The following MICAL3 variants were observed in gnomAD, a reference collection of about 807,000 sequenced individuals.
MICAL3 encodes microtubule associated monooxygenase, calponin and LIM domain containing 3.
A neutral mutation model predicts 207.4 loss-of-function variants in MICAL3; 62 were observed. The ratio of observed to expected loss-of-function variants is 0.30; its 90% CI spans 0.24 to 0.37. The LOEUF is 0.37. Ranked by LOEUF, MICAL3 falls within the 10% of genes least tolerant of loss-of-function variation. The pLI is 1.00. For missense variants in MICAL3, 2,368 were observed against 2,635.6 expected, an observed-to-expected ratio of 0.90 and a Z score of 2.22; for synonymous variants, 1,077 against 1,069.3, an observed-to-expected ratio of 1.01 and a Z score of -0.14.
In MICAL3 at chr22:17,906,760, C is replaced by T. The variant is rs371166227; in HGVS notation, c.53G>A (p.Arg18Gln). ...CTTGCAGGTGGTGGCCTGGACAAAC[C>T]GGTCAAAGAGGACATGAGCTGGGTT... Reference protein sequence around the residue: ...TMNPAHVLFDRFVQATTCKGT... With the variant: ...TMNPAHVLFDQFVQATTCKGT... Residue 18 changes from arginine (R) to glutamine (Q), a missense_variant, in exon 2 of 32, where the codon CGG (arginine) becomes CAG (glutamine). This residue lies in a region of MICAL3 where 400 missense variants were observed against 547.0 expected (regional missense o/e 0.73). Coordinates refer to ENST00000441493, the MANE Select transcript of MICAL3 (RefSeq NM_015241.3). 196 of 1,613,576 alleles carry T rather than the reference C, an allele frequency of 1.2e-4. 2 individuals are homozygous for T. Among genetic ancestry groups the T allele is most frequent in the South Asian group, 1.0e-3 (93 of 91,040 alleles).
rs550116767 is a variant in MICAL3, at chr22:17,902,197, G to C, written c.590-218C>G. Among the ~76,000 whole-genome samples, 3 of 152,260 alleles carry C rather than the reference G, an allele frequency of 2.0e-5. No homozygotes were observed. On this transcript the variant is annotated intron_variant, in intron 4 of 31. Transcript: ENST00000441493. This position sits in a 1 kb window ranked among gnomAD's most constrained non-coding sequence, Gnocchi z 4.5. ...GCAGACTACTTGAGGCCAGGAGTTC[G>C]AGACCACCCTGGCCAGCATGGTGAA...
chr22:17,872,935 A>C, intron 16 of MICAL3: 1 of 925,918 alleles, frequency 1.1e-6, no homozygotes, highest in Non-Finnish European at 1.7e-6. Context: ...AGACACGGGG[A>C]AAAAAAGAAA....
At chr22:17,817,272 T>G in intron 26 of MICAL3, 39 bp downstream of exon 26, 1 of 1,536,778 alleles carries the variant, frequency 6.5e-7, no homozygotes, top group Non-Finnish European at 8.8e-7. Context: ...CCCGCACCCC[T>G]CCCGCTCTGC....
At chr22:17,830,063 G>A (rs1479360708) in intron 21 of MICAL3, among the ~76,000 whole-genome samples, 2 of 152,152 alleles carry the variant, frequency 1.3e-5, no homozygotes, top group African/African-American at 4.8e-5. Flanking sequence ...GGTAAAGTGG[G>A]TACCTTTAAA....
chr22:17,997,340 A>G (rs1319248681), intron 1 of MICAL3, among the ~76,000 whole-genome samples: 1 of 152,154 alleles, frequency 6.6e-6, no homozygotes, highest in Non-Finnish European at 1.5e-5. Flanking sequence ...TTGGTATTAC[A>G]GGCATGAGCC....
At chr22:17,819,162 G>A (rs771283074) in intron 25 of MICAL3, 33 bp from the exon 26 acceptor site, 13 of 1,432,344 alleles carry the variant, frequency 9.1e-6, no homozygotes, top group African/African-American at 4.3e-5. Context: ...CCGCTGAGAA[G>A]GTGTGGGCTT....
chr22:17,925,190 C>G (rs540667681), intron 1 of MICAL3, among the ~76,000 whole-genome samples: 1 of 152,246 alleles, frequency 6.6e-6, no homozygotes, highest in South Asian at 2.1e-4. Flanking sequence ...CAGGTGAGAG[C>G]CACAAGCTGT....
chr22:17,884,187 G>T (rs1001043924), intron 16 of MICAL3: 19 of 804,424 alleles, frequency 2.4e-5, no homozygotes, highest in Non-Finnish European at 3.5e-5. Flanking sequence ...GGATTCCAGA[G>T]CACAGGCCTG....
chr22:17,883,257 G>A (rs574206712), intron 16 of MICAL3, among the ~76,000 whole-genome samples: 5 of 152,224 alleles, frequency 3.3e-5, no homozygotes, highest in East Asian at 3.9e-4. Flanking sequence ...GAATGAATTC[G>A]CCTTCTGTCG....
intron 20 of MICAL3, among the ~76,000 whole-genome samples, chr22:17,835,124 C>T (rs929531575): frequency 2.0e-5 from 3 of 152,238 alleles, no homozygotes; most frequent in African/African-American, 4.8e-5. Context: ...ATGAGGCCAG[C>T]GAGGCCAGCC....
chr22:17,861,474 T>A (rs1271609028), intron 19 of MICAL3: 1 of 985,392 alleles, frequency 1.0e-6, no homozygotes, highest in African/African-American at 1.7e-5. Context: ...CCTTTCCGGC[T>A]ATGCCTTCGG....
At chr22:17,976,579 A>G (rs1326204177) in intron 1 of MICAL3, among the ~76,000 whole-genome samples, 14 of 95,196 alleles carry the variant, frequency 1.5e-4, no homozygotes, top group African/African-American at 6.3e-4. Flanking sequence ...ATATATATAT[A>G]TATATATATA....
rs187109987 is a variant in MICAL3, at chr22:17,922,049, A to G, written c.-74-15163T>C. Among the ~76,000 whole-genome samples, 841 of 152,142 alleles carry G rather than the reference A, an allele frequency of 5.5e-3. 13 individuals are homozygous for G. The highest frequency in any genetic ancestry group is 0.019 in the African/African-American group (795 of 41,478). The stretch of plus-strand genomic sequence containing the variant: ...CCTTTGCCTACAACGCCCCTCCTGC[A>G]CTTGAGACTGCAGCTCAGCATTCCG... On this transcript the variant is annotated intron_variant, in intron 1 of 31. Coordinates refer to ENST00000441493, the MANE Select transcript of MICAL3 (RefSeq NM_015241.3).
intron 1 of MICAL3, among the ~76,000 whole-genome samples, chr22:17,931,281 T>C (rs1036303101): frequency 6.6e-6 from 1 of 152,200 alleles, no homozygotes; most frequent in Admixed American, 6.5e-5. Flanking sequence ...AAAATGTATG[T>C]TATACCACCA....
chr22:17,876,787 AGGTT>A (rs1406877462), intron 16 of MICAL3: 3 of 137,952 alleles, frequency 2.2e-5, no homozygotes, highest in Admixed American at 7.0e-5. Flanking sequence ...GAGGTTAGGG[AGGTT>A]AGGGAAGTTA....
chr22:17,987,108 G>A (rs375291678), intron 1 of MICAL3, among the ~76,000 whole-genome samples: 6 of 152,070 alleles, frequency 3.9e-5, no homozygotes, highest in South Asian at 2.1e-4. Flanking sequence ...AGGCATAGGG[G>A]TGCATGCCTG....
rs549500535 is a variant in MICAL3 at position 17,867,482 on chromosome 22, G to A, written c.2429-1470C>T. ...AGATGTATGAGTGCTTGGATCATGC[G>A]CTACTTGTTTTGGTCTGTTTTGTAT... is the stretch of plus-strand genomic sequence containing the variant. On this transcript the variant is annotated intron_variant, in intron 17 of 31. Coordinates refer to ENST00000441493, the MANE Select transcript of MICAL3 (RefSeq NM_015241.3). Among the ~76,000 whole-genome samples the A allele has an allele frequency of 2.6e-5, 4 of 152,334 alleles. No homozygotes were observed. The South Asian group carries it at 6.2e-4, about 24-fold the overall frequency.
intron 19 of MICAL3, among the ~76,000 whole-genome samples, chr22:17,850,521 C>T (rs1925212616): frequency 7.0e-6 from 1 of 142,382 alleles, no homozygotes; most frequent in Non-Finnish European, 1.5e-5. Context: ...AAGTGATTCT[C>T]CTGCCTCAGC....
At chr22:17,854,239 A>G (rs1014833249) in intron 19 of MICAL3, among the ~76,000 whole-genome samples, 1 of 151,780 alleles carries the variant, frequency 6.6e-6, no homozygotes, top group Non-Finnish European at 1.5e-5. Context: ...GGTGCTACTG[A>G]TGTCTGATGG....
Sources: gnomAD v4.1 joint callset for allele counts (sites outside exome capture counted in the v4.1 genomes callset) on GRCh38, gnomAD v4.1.1 for gene constraint, gnomAD v4.1.1 regional missense constraint, Gnocchi (gnomAD v3.1) non-coding constraint, MANE v1.5 for transcripts, NCBI Gene and HGNC (gene_info 2026-07-23, HGNC 2026-07-21) for gene names.